PTPRD: variants seen among roughly 807,000 people sequenced by gnomAD.
The protein encoded by PTPRD is protein tyrosine phosphatase receptor type D, also known as receptor-type tyrosine-protein phosphatase delta.
A neutral mutation model predicts 214.5 loss-of-function variants in PTPRD; 34 were observed. The observed-to-expected ratio is 0.16, with a 90% CI of 0.12 to 0.21. The LOEUF (loss-of-function observed/expected upper bound fraction) is 0.21, where lower values mean the gene tolerates loss of function less well. PTPRD is among the 10% of genes least tolerant of loss of function. The pLI, the probability that PTPRD is intolerant of heterozygous loss-of-function variation, is 1.00. For synonymous variants in PTPRD, 1,128 were observed against 845.7 expected, an observed-to-expected ratio of 1.33 and a Z score of -5.79; for missense variants, 2,545 against 2,398.7, an observed-to-expected ratio of 1.06 and a Z score of -1.27.
intron 12 of PTPRD, among the ~76,000 whole-genome samples, chr9:8,666,843 C>T (rs912950302): frequency 1.3e-5 from 2 of 152,150 alleles, no homozygotes; most frequent in African/African-American, 4.8e-5. Context: ...TCACTTTGGC[C>T]ATCCATGACC....
chr9:8,714,114 C>T (rs1321265508), intron 12 of PTPRD, among the ~76,000 whole-genome samples: 3 of 152,068 alleles, frequency 2.0e-5, no homozygotes, highest in African/African-American at 4.8e-5. Context: ...AGATGAGAAG[C>T]GGGTCACAAA....
intron 10 of PTPRD, among the ~76,000 whole-genome samples, chr9:9,123,226 C>T (rs2099819313): frequency 6.6e-6 from 1 of 152,136 alleles, no homozygotes; most frequent in African/African-American, 2.4e-5. Flanking sequence ...GCCATCTGTG[C>T]CATGTCACTC....
intron 2 of PTPRD, among the ~76,000 whole-genome samples, chr9:10,349,587 T>C (rs1162245280): frequency 6.6e-6 from 1 of 152,200 alleles, no homozygotes; most frequent in Non-Finnish European, 1.5e-5. Context: ...GTCATTTGAA[T>C]AGGTCTTTAA....
chr9:9,724,185 C>A (rs1235775212), intron 7 of PTPRD, among the ~76,000 whole-genome samples: 1 of 152,088 alleles, frequency 6.6e-6, no homozygotes, highest in African/African-American at 2.4e-5. Context: ...GTGAATTGTA[C>A]ATTTTTGGGG....
intron 24 of PTPRD, 110 bp from the exon 25 acceptor site, chr9:8,499,950 C>G (rs779809027): frequency 3.1e-4 from 255 of 828,792 alleles, no homozygotes; most frequent in Non-Finnish European, 4.0e-4. Flanking sequence ...TGGGTAAACC[C>G]ACTATGTTTT....
At chr9:9,644,309 G>C (rs779118536) in intron 7 of PTPRD, among the ~76,000 whole-genome samples, 5 of 152,132 alleles carry the variant, frequency 3.3e-5, no homozygotes, top group Non-Finnish European at 7.4e-5. Context: ...AATCAGAACA[G>C]CAAGGCTTTT....
At chr9:9,343,698 C>T (rs1050227140) in intron 9 of PTPRD, among the ~76,000 whole-genome samples, 3 of 150,960 alleles carry the variant, frequency 2.0e-5, no homozygotes, top group East Asian at 1.9e-4. Flanking sequence ...ATGTTTCATT[C>T]GAAAATCACA....
intron 9 of PTPRD, among the ~76,000 whole-genome samples, chr9:9,334,619 G>T (rs1049175482): frequency 1.3e-5 from 2 of 151,906 alleles, no homozygotes; most frequent in Non-Finnish European, 2.9e-5. Flanking sequence ...CTGTGCCTGT[G>T]TTAACTCCAT....
intron 3 of PTPRD, among the ~76,000 whole-genome samples, chr9:10,305,556 G>C (rs201221099): frequency 6.6e-6 from 1 of 151,776 alleles, no homozygotes; most frequent in Non-Finnish European, 1.5e-5. Flanking sequence ...TCTACAAAGA[G>C]CTTAAACAAA....
chr9:8,674,971 C>A (rs532842996), intron 12 of PTPRD, among the ~76,000 whole-genome samples: 2 of 152,074 alleles, frequency 1.3e-5, no homozygotes, highest in Non-Finnish European at 2.9e-5. Context: ...TTTTAAAAGC[C>A]TTGTAAATTA....
At chr9:10,519,743 A>G (rs2051521236) in intron 2 of PTPRD, among the ~76,000 whole-genome samples, 2 of 152,056 alleles carry the variant, frequency 1.3e-5, no homozygotes, top group African/African-American at 2.4e-5. Flanking sequence ...TATTATTATT[A>G]TATCTGTTAC....
At chr9:10,470,739 G>A (rs2099025112) in intron 2 of PTPRD, among the ~76,000 whole-genome samples, 1 of 152,138 alleles carries the variant, frequency 6.6e-6, no homozygotes, top group South Asian at 2.1e-4. Context: ...TGAGGCAGGG[G>A]AGAAAAACTG....
chr9:9,003,163 C>T (rs948157625), intron 11 of PTPRD, among the ~76,000 whole-genome samples: 4 of 152,024 alleles, frequency 2.6e-5, no homozygotes, highest in Non-Finnish European at 5.9e-5. Flanking sequence ...ATATAACATT[C>T]TACTGGACTT....
intron 2 of PTPRD, among the ~76,000 whole-genome samples, chr9:10,550,527 T>C (rs79345915): frequency 0.066 from 10,058 of 152,150 alleles, 355 homozygotes; most frequent in South Asian, 0.096. Flanking sequence ...TTGGAGACCC[T>C]CTGAGGAGTC....
chr9:8,412,591 A>G (rs1208218517), intron 35 of PTPRD, among the ~76,000 whole-genome samples: 11 of 152,188 alleles, frequency 7.2e-5, no homozygotes, highest in Non-Finnish European at 8.8e-5. Context: ...AGTTATTACT[A>G]AAAGAATGCT....
intron 2 of PTPRD, among the ~76,000 whole-genome samples, chr9:10,450,969 T>C (rs1047093224): frequency 6.6e-6 from 1 of 152,014 alleles, no homozygotes; most frequent in Non-Finnish European, 1.5e-5. Context: ...AAAACCCATA[T>C]TGCTAGCAAT....
intron 11 of PTPRD, among the ~76,000 whole-genome samples, chr9:8,979,227 A>G (rs935625719): frequency 1.3e-5 from 2 of 152,184 alleles, no homozygotes; most frequent in African/African-American, 4.8e-5. Context: ...CAAAATTATT[A>G]TGAAATATTC....
At chr9:8,325,151 T>C (rs1832379576) in intron 44 of PTPRD, among the ~76,000 whole-genome samples, 1 of 150,054 alleles carries the variant, frequency 6.7e-6, no homozygotes, top group South Asian at 2.1e-4. Flanking sequence ...CTTTTGGTGT[T>C]TTAGTCCTGA....
chr9:10,517,299 T>A (rs1162298453), intron 2 of PTPRD, among the ~76,000 whole-genome samples: 1 of 152,052 alleles, frequency 6.6e-6, no homozygotes, highest in Non-Finnish European at 1.5e-5. Context: ...TTAAGTTTAT[T>A]CCTAAGTGAT....
Sources: gnomAD v4.1 joint callset for allele counts (sites outside exome capture counted in the v4.1 genomes callset) on GRCh38, gnomAD v4.1.1 for gene constraint, MANE v1.5 for transcripts, NCBI Gene and HGNC (gene_info 2026-07-23, HGNC 2026-07-21) for gene names.